ABCC8: variants seen among roughly 807,000 people sequenced by gnomAD.
ABCC8 encodes the protein ATP-binding cassette sub-family C member 8.
ABCC8 carries 137 observed loss-of-function variants against 188.0 expected under a neutral mutation model. That is an observed-to-expected ratio of 0.73 (90% CI 0.63 to 0.84). ABCC8 has a LOEUF of 0.84. ABCC8 is among the 40% of genes least tolerant of loss of function. The pLI, the probability that ABCC8 is intolerant of heterozygous loss-of-function variation, is 0.00. For missense variants in ABCC8, 1,750 were observed against 2,072.7 expected, an observed-to-expected ratio of 0.84 and a Z score of 3.02; for synonymous variants, 797 against 846.5, an observed-to-expected ratio of 0.94 and a Z score of 1.01.
intron 26 of ABCC8, among the ~76,000 whole-genome samples, chr11:17,405,939 A>G (rs1380988770): frequency 2.0e-5 from 3 of 152,210 alleles, no homozygotes; most frequent in Non-Finnish European, 2.9e-5. Flanking sequence ...CCCAACCCCA[A>G]CCAGGGAGTT....
chr11:17,450,320 TTCTTTCTC>T (rs1481374765), intron 7 of ABCC8, among the ~76,000 whole-genome samples: 1,855 of 105,638 alleles, frequency 0.018, 30 homozygotes, highest in South Asian at 0.034. Context: ...CTTTCTTTCT[TTCTTTCTC>T]TCTCTCTCTT....
chr11:17,452,532 C>T lies in ABCC8; in HGVS notation c.1176+587G>A, dbSNP rs575978325. Among the ~76,000 whole-genome samples, 7 of 152,268 alleles carry T rather than the reference C, an allele frequency of 4.6e-5. No homozygotes were observed. The South Asian group carries it at 6.2e-4, about 14-fold the overall frequency. On this transcript the variant is annotated intron_variant, in intron 7 of 38. Coordinates refer to ENST00000389817, the MANE Select transcript of ABCC8 (RefSeq NM_000352.6). ...TGCCTGCACAGTTCACAATAGGGTT[C>T]GCACTCCTATGAGAGTCTAATGTAG...
chr11:17,464,692 C>T (rs57800490), intron 3 of ABCC8, among the ~76,000 whole-genome samples: 2,704 of 152,322 alleles, frequency 0.018, 74 homozygotes, highest in African/African-American at 0.06. Flanking sequence ...CCTAAATTCT[C>T]GCACACACAC....
intron 5 of ABCC8, chr11:17,461,333 A>C: frequency 1.8e-6 from 1 of 553,836 alleles, no homozygotes; most frequent in East Asian, 3.2e-5. Flanking sequence ...CAGTTTCCCC[A>C]TCTGGATAAG....
intron 12 of ABCC8, 71 bp from the exon 13 acceptor site, chr11:17,428,741 A>T: frequency 6.3e-7 from 1 of 1,594,220 alleles, no homozygotes; most frequent in South Asian, 1.1e-5. Flanking sequence ...GCGCAGCCTG[A>T]TAGAGAGCTC....
In ABCC8 at chr11:17,396,362, C is replaced by A. The variant is rs372288014; in HGVS notation, c.4120-432G>T. 752 of 335,562 alleles carry A rather than the reference C, an allele frequency of 2.2e-3. 11 individuals carry two copies. Among genetic ancestry groups the A allele is most frequent in the South Asian group, 0.02 (725 of 35,522 alleles). 20.8% of individuals were successfully genotyped at this position (335,562 alleles called of 1,614,324 possible). A position where few individuals can be genotyped will look rare whatever the true frequency, so the allele number is the denominator to read the frequency against. ...TTGCTTCCTGGCACTTGGGTACCAA[C>A]AGAAATTACAATACGGAGACAGATA... On this transcript the variant is annotated intron_variant, in intron 33 of 38. Transcript: ENST00000389817.
chr11:17,454,841 C>T (rs2237977), intron 6 of ABCC8, among the ~76,000 whole-genome samples: 49,370 of 152,042 alleles, frequency 0.32, 8,388 homozygotes, highest in Middle Eastern at 0.46. Context: ...TAGGCCTCGT[C>T]CAGGCCTTTG....
At chr11:17,422,160 C>T (rs1291794897) in intron 16 of ABCC8, among the ~76,000 whole-genome samples, 1 of 152,200 alleles carries the variant, frequency 6.6e-6, no homozygotes, top group Non-Finnish European at 1.5e-5. Context: ...ACACAGCCCC[C>T]ACACTTAACT....
Position 17,408,377 on chromosome 11 carries a change from C to G in ABCC8, c.2820+15G>C. On this transcript the variant is annotated intron_variant, in intron 23 of 38. Coordinates refer to ENST00000389817, the MANE Select transcript of ABCC8 (RefSeq NM_000352.6). ...ATCCAGGGGTGGCTGCTTGGCCATC[C>G]CTGGATATACCCACCTTCTCCAGCT... 1.9e-6 allele frequency: 3 copies of G among 1,612,406 alleles called. No individual in the cohort carries two copies. The highest frequency in any genetic ancestry group is 2.5e-6 in the Non-Finnish European group (3 of 1,179,658).
At chr11:17,468,767 A>T (rs1034541741) in intron 3 of ABCC8, among the ~76,000 whole-genome samples, 7 of 152,120 alleles carry the variant, frequency 4.6e-5, no homozygotes, top group African/African-American at 1.4e-4. Flanking sequence ...GAAAATGGGG[A>T]TATTAACAAT....
At chr11:17,410,302 TG>T in intron 22 of ABCC8, 1 of 569,906 alleles carries the variant, frequency 1.8e-6, no homozygotes, top group Non-Finnish European at 3.1e-6. Flanking sequence ...CGGGCCAGGA[TG>T]GGGAGTGTCT....
intron 10 of ABCC8, among the ~76,000 whole-genome samples, chr11:17,433,793 G>C (rs1393913924): frequency 6.6e-6 from 1 of 152,186 alleles, no homozygotes; most frequent in Non-Finnish European, 1.5e-5. Flanking sequence ...CGTATGGCTG[G>C]GGCCCTGGCA....
chr11:17,404,642 TC>T lies in ABCC8; in HGVS notation c.3426del (p.Ser1143AlafsTer65). 1 of 1,612,464 alleles carries T rather than the reference TC, an allele frequency of 6.2e-7. No individual in the cohort carries two copies. The highest frequency in any genetic ancestry group is 8.5e-7 in the Non-Finnish European group (1 of 1,179,534). ...DQHIPSTLEC[L>X]SRSTLLCVSA... ...GAGACACAGAGCAGGGTGGAGCGGC[TC>T]AGGCACTCCAGCGTGGATGGGATGT... On this transcript the variant is annotated frameshift_variant, in exon 28 of 39. Transcript: ENST00000389817. LOFTEE classifies it high-confidence loss of function. The surrounding 1 kb of genome is among the most constrained non-coding windows in gnomAD (Gnocchi z 4.7).
rs1356337363 is a variant in ABCC8, at chr11:17,394,428, G to A, written c.4412-29C>T. 2.5e-6 allele frequency: 4 copies of A among 1,613,972 alleles called. No individual in the cohort carries two copies. The East Asian group carries it at 8.9e-5, about 36-fold the overall frequency. On this transcript the variant is annotated intron_variant, in intron 36 of 38. Coordinates refer to ENST00000389817, the MANE Select transcript of ABCC8 (RefSeq NM_000352.6). ...AAAACAGCCCGGGGAGATGAAGTAG[G>A]ACTGAGTTAATCTTGTGCTGTGAGT...
chr11:17,401,050 G>A (rs757790245), intron 29 of ABCC8, among the ~76,000 whole-genome samples: 1 of 152,232 alleles, frequency 6.6e-6, no homozygotes, highest in Non-Finnish European at 1.5e-5. Context: ...GCTGACCACA[G>A]GTTTGGCCTG....
In ABCC8 at chr11:17,397,788, C is replaced by T. The variant is rs1185034563; in HGVS notation, c.3763G>A (p.Gly1255Ser). 2 of 1,613,694 alleles carry T rather than the reference C, an allele frequency of 1.2e-6. No individual in the cohort carries two copies. The highest frequency in any genetic ancestry group is 1.7e-6 in the Non-Finnish European group (2 of 1,179,984). ...RWLEVRMEYI[G>S]ACVVLIAAVT... ...GCTGCGATGAGCACCACACATGCAC[C>T]GATGTACTCCTGGGGAGGGAGAGGA... Residue 1255 changes from glycine (G) to serine (S), a missense_variant, in exon 31 of 39, where the codon GGT (glycine) becomes AGT (serine). Transcript: ENST00000389817.
In ABCC8 at chr11:17,442,697, C is replaced by T. The variant is rs1306403270; in HGVS notation, c.1630+23G>A. The T allele has an allele frequency of 6.8e-6, 11 of 1,610,768 alleles. No individual in the cohort carries two copies. In the South Asian group the frequency reaches 1.1e-4, roughly 16 times the overall value. On this transcript the variant is annotated intron_variant, in intron 10 of 38. Transcript: ENST00000389817. ...TGCATGTACGCAGCAGCACCCAGGG[C>T]TGGCTGTGTGGGGTGAACTCACTGG...
At chr11:17,397,872 C>A in intron 30 of ABCC8, 75 bp from the exon 31 acceptor site, 2 of 1,575,356 alleles carry the variant, frequency 1.3e-6, no homozygotes, top group Non-Finnish European at 1.7e-6. Flanking sequence ...CACTCCTTTT[C>A]GGGGCAGAGA....
chr11:17,462,083 G>C lies in ABCC8; in HGVS notation c.580-258C>G, dbSNP rs1190452478. 2.0e-5 allele frequency among the ~76,000 whole-genome samples: 3 copies of C among 152,156 alleles called. No individual in the cohort carries two copies. In the East Asian group the frequency reaches 5.8e-4, roughly 29 times the overall value. ...GGCTAGGCTGGGTTGGGTTTAGGTTGGGTTGGGGAGGAGCAGGAATCTCTC... is the reference window on the plus strand; with the variant it reads ...GGCTAGGCTGGGTTGGGTTTAGGTTCGGTTGGGGAGGAGCAGGAATCTCTC... On this transcript the variant is annotated intron_variant, in intron 4 of 38. Transcript: ENST00000389817.
Sources: allele counts gnomAD v4.1 joint callset (sites outside exome capture counted in the v4.1 genomes callset), GRCh38; gene constraint gnomAD v4.1.1; non-coding constraint Gnocchi (gnomAD v3.1); transcripts MANE v1.5; gene names NCBI Gene and HGNC (gene_info 2026-07-23, HGNC 2026-07-21).